SULT4A1: variants seen among roughly 807,000 people sequenced by gnomAD.
SULT4A1 encodes the protein sulfotransferase family 4A member 1, also known as sulfotransferase 4A1.
Under a neutral mutation model 35.2 loss-of-function variants are expected in SULT4A1, and 11 were observed. The ratio of observed to expected loss-of-function variants is 0.31; its 90% CI spans 0.20 to 0.52. The LOEUF is 0.52. Ranked by LOEUF, SULT4A1 falls within the 20% of genes least tolerant of loss-of-function variation. The probability of loss-of-function intolerance (pLI) is 0.97; values close to 1 mark genes in which losing one functional copy is unlikely to be tolerated. For synonymous variants in SULT4A1, 152 were observed against 151.8 expected, an observed-to-expected ratio of 1.00 and a Z score of -0.01; for missense variants, 271 against 383.7, an observed-to-expected ratio of 0.71 and a Z score of 2.45.
intron 1 of SULT4A1, among the ~76,000 whole-genome samples, chr22:43,846,292 C>A (rs568143399): frequency 6.6e-6 from 1 of 152,232 alleles, no homozygotes; most frequent in Non-Finnish European, 1.5e-5. Flanking sequence ...GACTAACTCC[C>A]GTCCCTCGCC....
chr22:43,846,912 G>A (rs758114764), intron 1 of SULT4A1, among the ~76,000 whole-genome samples: 6 of 152,090 alleles, frequency 3.9e-5, no homozygotes, highest in East Asian at 1.9e-4. Flanking sequence ...GTGCAGCCCC[G>A]CAGGCCAACG....
At chr22:43,833,973 G>C (rs1157709448) in intron 4 of SULT4A1, among the ~76,000 whole-genome samples, 1 of 152,228 alleles carries the variant, frequency 6.6e-6, no homozygotes, top group East Asian at 1.9e-4. Flanking sequence ...CTCTGAGAAG[G>C]TGGTCCCTGT....
At position 43,825,885 on chromosome 22, in the gene SULT4A1, GCT is replaced by G; in HGVS notation, c.*114_*115del. 1 of 1,035,142 alleles carries G rather than the reference GCT, an allele frequency of 9.7e-7. No homozygotes were observed. Among genetic ancestry groups the G allele is most frequent in the Non-Finnish European group, 1.4e-6 (1 of 698,294 alleles). 64.1% of individuals were successfully genotyped at this position (1,035,142 alleles called of 1,614,324 possible). The stretch of plus-strand genomic sequence containing the variant: ...GCTCACGCCGCTCTTCCCTTCCCCC[GCT>G]GTTTCACACGCTGCTTCCAGAGTTT... On this transcript the variant is annotated 3_prime_UTR_variant, in exon 7 of 7. Transcript: ENST00000330884.
chr22:43,847,440 C>T (rs1005899104), intron 1 of SULT4A1, among the ~76,000 whole-genome samples: 1 of 152,264 alleles, frequency 6.6e-6, no homozygotes. Flanking sequence ...AGCACTCCTC[C>T]CACTGGTCTC....
chr22:43,853,597 G>A (rs4149440), intron 1 of SULT4A1, among the ~76,000 whole-genome samples: 35,285 of 152,176 alleles, frequency 0.23, 4,769 homozygotes, highest in East Asian at 0.46. Context: ...GGCAACCCTG[G>A]CTTGGCCCCA....
intron 6 of SULT4A1, 32 bp downstream of exon 6, chr22:43,829,028 T>G: frequency 2.0e-6 from 3 of 1,470,216 alleles, no homozygotes; most frequent in Admixed American, 2.2e-5. Context: ...GGGTGGGGAG[T>G]GCCTGGGCGG....
chr22:43,828,928 G>T (rs4823148), intron 6 of SULT4A1, 132 bp downstream of exon 6: 9 of 1,044,082 alleles, frequency 8.6e-6, no homozygotes, highest in Non-Finnish European at 1.2e-5. Context: ...CAGGCCATGG[G>T]CCAGCTACAG....
chr22:43,840,864 C>T (rs1372198943), intron 2 of SULT4A1, among the ~76,000 whole-genome samples: 1 of 152,228 alleles, frequency 6.6e-6, no homozygotes, highest in Non-Finnish European at 1.5e-5. Flanking sequence ...CCAGGCCCCT[C>T]GTGCCGTGGG....
rs775404710 is a variant in SULT4A1 at position 43,862,187 on chromosome 22, G to A, written c.169+27C>T. 3.5e-5 allele frequency: 51 copies of A among 1,470,572 alleles called. 3 individuals are homozygous for A. The South Asian group carries it at 6.2e-4, about 18-fold the overall frequency. 91.1% of individuals were successfully genotyped at this position (1,470,572 alleles called of 1,614,324 possible). A position where few individuals can be genotyped will look rare whatever the true frequency, so the allele number is the denominator to read the frequency against. ...GCGCTGCAGGGCTGGGGCATGGCGT[G>A]GCGGGCGCGGTCGGCGCGGGGCTCA... is the stretch of plus-strand genomic sequence containing the variant. On this transcript the variant is annotated intron_variant, in intron 1 of 6. Coordinates refer to ENST00000330884, the MANE Select transcript of SULT4A1 (RefSeq NM_014351.4).
chr22:43,862,464 G>GCCCCA lies in SULT4A1; in HGVS notation c.-83_-82insTGGGG. On this transcript the variant is annotated 5_prime_UTR_variant, in exon 1 of 7. Transcript: ENST00000330884. ...GCGCCCGCGCCCGCGCCCGCGCCCCGCACACGCTCGCGCCCCACCGGCGCG... is the reference window on the plus strand; with the variant it reads ...GCGCCCGCGCCCGCGCCCGCGCCCCGCCCCACACACGCTCGCGCCCCACCGGCGCG... 1.9e-6 allele frequency: 1 copy of GCCCCA among 514,042 alleles called. No homozygotes were observed. The highest frequency in any genetic ancestry group is 2.4e-6 in the Non-Finnish European group (1 of 416,350). The allele number at this position is 514,042 out of a possible 1,614,324, so 31.8% of individuals were successfully genotyped here. A position where few individuals can be genotyped will look rare whatever the true frequency, so the allele number is the denominator to read the frequency against.
chr22:43,848,119 GGCT>G, intron 1 of SULT4A1, among the ~76,000 whole-genome samples: 1 of 151,806 alleles, frequency 6.6e-6, no homozygotes, highest in African/African-American at 2.4e-5. Flanking sequence ...CTCAGCAGAG[GGCT>G]CACTATGTGC....
chr22:43,843,116 T>C (rs892066537), intron 1 of SULT4A1, among the ~76,000 whole-genome samples: 1 of 152,060 alleles, frequency 6.6e-6, no homozygotes, highest in Non-Finnish European at 1.5e-5. Context: ...TGGAGCTGGC[T>C]ATGAAGAAAC....
intron 1 of SULT4A1, among the ~76,000 whole-genome samples, chr22:43,861,270 C>T (rs1340944558): frequency 6.6e-6 from 1 of 152,166 alleles, no homozygotes; most frequent in Non-Finnish European, 1.5e-5. Context: ...TGAAACTGCC[C>T]GACTGCTGGT....
intron 1 of SULT4A1, among the ~76,000 whole-genome samples, chr22:43,843,901 G>A (rs2063453703): frequency 6.6e-6 from 1 of 152,240 alleles, no homozygotes; most frequent in Non-Finnish European, 1.5e-5. Context: ...GCCAGTGGGT[G>A]AGACACACAG....
intron 5 of SULT4A1, among the ~76,000 whole-genome samples, chr22:43,831,778 C>A (rs1211851060): frequency 6.6e-6 from 1 of 152,250 alleles, no homozygotes. Context: ...ACCGCGGTGG[C>A]CTCTGGGAAG....
intron 1 of SULT4A1, among the ~76,000 whole-genome samples, chr22:43,852,646 C>T (rs1280935225): frequency 3.3e-5 from 5 of 152,056 alleles, no homozygotes; most frequent in South Asian, 2.1e-4. Context: ...ACGCCTGCTG[C>T]GGCCAGTCCT....
intron 1 of SULT4A1, among the ~76,000 whole-genome samples, chr22:43,856,762 G>A (rs1603410148): frequency 6.6e-6 from 1 of 152,182 alleles, no homozygotes; most frequent in Non-Finnish European, 1.5e-5. Flanking sequence ...AAGGTAATCA[G>A]ATCAACACCC....
intron 1 of SULT4A1, among the ~76,000 whole-genome samples, chr22:43,844,333 A>C (rs1435514317): frequency 6.6e-6 from 1 of 152,206 alleles, no homozygotes; most frequent in Non-Finnish European, 1.5e-5. Context: ...CATTAAAGGC[A>C]GGGAGAGGCC....
At position 43,862,474 on chromosome 22, in the gene SULT4A1, G is replaced by T. The variant is rs1289691898; in HGVS notation, c.-92C>A. On this transcript the variant is annotated 5_prime_UTR_variant, in exon 1 of 7. Coordinates refer to ENST00000330884, the MANE Select transcript of SULT4A1 (RefSeq NM_014351.4). ...CCGCGCCCGCGCCCCGCACACGCTC[G>T]CGCCCCACCGGCGCGCGGCGGCAGC... The T allele has an allele frequency of 1.1e-6, 1 of 872,184 alleles. No homozygotes were observed. Among genetic ancestry groups the T allele is most frequent in the Admixed American group, 6.7e-5 (1 of 15,002 alleles). 54.0% of individuals were successfully genotyped at this position (872,184 alleles called of 1,614,324 possible). A position where few individuals can be genotyped will look rare whatever the true frequency, so the allele number is the denominator to read the frequency against.
Sources: allele counts gnomAD v4.1 joint callset (sites outside exome capture counted in the v4.1 genomes callset), GRCh38; gene constraint gnomAD v4.1.1; transcripts MANE v1.5; gene names NCBI Gene and HGNC (gene_info 2026-07-23, HGNC 2026-07-21).